LINGO2: variants seen among roughly 807,000 people sequenced by gnomAD.
LINGO2 encodes the protein leucine rich repeat and Ig domain containing 2.
In LINGO2, 14 loss-of-function variants were observed where a neutral mutation model predicts 30.6. The ratio of observed to expected loss-of-function variants is 0.46; its 90% CI spans 0.30 to 0.72. LINGO2 has a LOEUF of 0.72. LINGO2 is among the 30% of genes least tolerant of loss of function. The pLI is 0.07. For missense variants in LINGO2, 729 were observed against 751.7 expected, an observed-to-expected ratio of 0.97 and a Z score of 0.35; for synonymous variants, 317 against 288.5, an observed-to-expected ratio of 1.10 and a Z score of -1.00.
At chr9:28,816,584 A>T in the LINGO2 span, among the ~76,000 whole-genome samples, 10 of 152,200 alleles carry the variant, frequency 6.6e-5, no homozygotes, top group Non-Finnish European at 5.9e-5. Flanking sequence ...CAACTATAAT[A>T]ACCATCTTTA....
At chr9:28,135,031 C>A (rs1273089210) in intron 4 of LINGO2, among the ~76,000 whole-genome samples, 1 of 152,188 alleles carries the variant, frequency 6.6e-6, no homozygotes, top group Non-Finnish European at 1.5e-5. Context: ...CAAATTAACA[C>A]CTGTTCCAGT....
chr9:28,620,553 T>C (rs1478478980), intron 1 of LINGO2, among the ~76,000 whole-genome samples: 1 of 152,084 alleles, frequency 6.6e-6, no homozygotes, highest in East Asian at 1.9e-4. Flanking sequence ...CAGTTTGTCA[T>C]ATACATCAGT....
intron 4 of LINGO2, among the ~76,000 whole-genome samples, chr9:28,094,799 C>T (rs1345982197): frequency 1.3e-5 from 2 of 151,966 alleles, no homozygotes; most frequent in African/African-American, 2.4e-5. Context: ...TTTTTTCCCA[C>T]TCAACCAGAC....
the LINGO2 span, among the ~76,000 whole-genome samples, chr9:28,749,011 A>T: frequency 6.6e-6 from 1 of 151,996 alleles, no homozygotes; most frequent in South Asian, 2.1e-4. Flanking sequence ...CCTATTTTTG[A>T]CTTATATTCT....
At position 28,188,544 on chromosome 9, in the gene LINGO2, GA is replaced by G. The variant is rs371313641; in HGVS notation, c.-87+106663del. On this transcript the variant is annotated intron_variant, in intron 4 of 5. Coordinates refer to ENST00000379992, the Ensembl canonical transcript of LINGO2. ...TTGCCTGGGAAAAGCTCTGCTTCCG[GA>G]AAAAAAATTACTGTTATCTTCTCTA... is the stretch of plus-strand genomic sequence containing the variant. Among the ~76,000 whole-genome samples, 543 of 151,666 alleles carry G rather than the reference GA, an allele frequency of 3.6e-3. 3 individuals are homozygous for G. The highest frequency in any genetic ancestry group is 0.012 in the African/African-American group (513 of 41,340).
At chr9:28,916,995 CACTAATGTTCA>C in the LINGO2 span, among the ~76,000 whole-genome samples, 1 of 152,144 alleles carries the variant, frequency 6.6e-6, no homozygotes, top group Non-Finnish European at 1.5e-5. Context: ...TGGGAGTAAA[CACTAATGTTCA>C]ACTAATAATT....
At chr9:29,030,451 T>C in the LINGO2 span, among the ~76,000 whole-genome samples, 1 of 152,202 alleles carries the variant, frequency 6.6e-6, no homozygotes, top group Non-Finnish European at 1.5e-5. Flanking sequence ...TTCGGTTCCA[T>C]GATTCTCTCC....
intron 1 of LINGO2, among the ~76,000 whole-genome samples, chr9:28,604,840 G>A (rs77823105): frequency 0.014 from 2,069 of 152,082 alleles, 40 homozygotes; most frequent in African/African-American, 0.047. Context: ...ATGAGGAAAG[G>A]TATTAACTTT....
the LINGO2 span, among the ~76,000 whole-genome samples, chr9:28,763,819 T>C: frequency 1.3e-5 from 2 of 151,116 alleles, no homozygotes; most frequent in African/African-American, 4.9e-5. Context: ...TACAAATAAA[T>C]AAAATCAAAA....
chr9:28,800,663 C>A, the LINGO2 span, among the ~76,000 whole-genome samples: 2 of 152,038 alleles, frequency 1.3e-5, no homozygotes, highest in East Asian at 3.9e-4. Context: ...AACATCCCCA[C>A]TAAGCAGACA....
intron 1 of LINGO2, among the ~76,000 whole-genome samples, chr9:28,587,629 T>G (rs151286570): frequency 6.6e-6 from 1 of 151,738 alleles, no homozygotes; most frequent in Non-Finnish European, 1.5e-5. Flanking sequence ...TGACTCTTCC[T>G]CATGACAGGA....
At chr9:29,128,534 TTGTAC>T in the LINGO2 span, among the ~76,000 whole-genome samples, 3 of 152,134 alleles carry the variant, frequency 2.0e-5, no homozygotes, top group Non-Finnish European at 2.9e-5. Flanking sequence ...ATACAGGCTT[TTGTAC>T]TGCTTTTCTA....
the LINGO2 span, among the ~76,000 whole-genome samples, chr9:28,751,970 C>T: frequency 3.9e-5 from 6 of 152,008 alleles, no homozygotes; most frequent in African/African-American, 7.2e-5. Flanking sequence ...TAATAGCTCT[C>T]GTCCACACCT....
chr9:28,993,688 C>T, the LINGO2 span, among the ~76,000 whole-genome samples: 2 of 150,352 alleles, frequency 1.3e-5, no homozygotes, highest in Non-Finnish European at 3.0e-5. Flanking sequence ...GGGCATCATC[C>T]CTGGGACGCA....
chr9:28,943,073 A>G, the LINGO2 span, among the ~76,000 whole-genome samples: 1 of 152,186 alleles, frequency 6.6e-6, no homozygotes, highest in Non-Finnish European at 1.5e-5. Flanking sequence ...ATATTAAGGC[A>G]TATAATAAGC....
intron 4 of LINGO2, among the ~76,000 whole-genome samples, chr9:28,107,051 C>G (rs1421547326): frequency 2.0e-5 from 3 of 152,104 alleles, no homozygotes; most frequent in Non-Finnish European, 2.9e-5. Context: ...CTGGCTAATT[C>G]CTTGGCTTCT....
chr9:29,037,169 T>C, the LINGO2 span, among the ~76,000 whole-genome samples: 1 of 151,904 alleles, frequency 6.6e-6, no homozygotes, highest in Admixed American at 6.6e-5. Flanking sequence ...CCTTATCTAC[T>C]AATTACAGGT....
the LINGO2 span, among the ~76,000 whole-genome samples, chr9:28,829,833 T>A: frequency 6.6e-6 from 1 of 152,004 alleles, no homozygotes; most frequent in South Asian, 2.1e-4. Flanking sequence ...GAGGTTGCAG[T>A]GAGCCAAGAT....
chr9:28,818,238 C>G, the LINGO2 span, among the ~76,000 whole-genome samples: 2 of 152,186 alleles, frequency 1.3e-5, no homozygotes, highest in Non-Finnish European at 2.9e-5. Flanking sequence ...TCTAAAAGCA[C>G]AGGTGACCTG....
Sources: gnomAD v4.1 joint callset for allele counts (sites outside exome capture counted in the v4.1 genomes callset) on GRCh38, gnomAD v4.1.1 for gene constraint, MANE v1.5 for transcripts, NCBI Gene and HGNC (gene_info 2026-07-23, HGNC 2026-07-21) for gene names.